The following ZNF532 variants were observed in gnomAD, a reference collection of about 807,000 sequenced individuals.
The protein encoded by ZNF532 is zinc finger protein 532.
Under a neutral mutation model 89.3 loss-of-function variants are expected in ZNF532, and 22 were observed. The ratio of observed to expected loss-of-function variants is 0.25; its 90% CI spans 0.18 to 0.35. The LOEUF is 0.35. Among genes scored for constraint, ZNF532 ranks in the 10% least tolerant of loss-of-function variants. The pLI, the probability that ZNF532 is intolerant of heterozygous loss-of-function variation, is 1.00. For synonymous variants in ZNF532, 606 were observed against 649.6 expected (o/e 0.93, Z 1.02); for missense variants, 1,132 against 1,643.4 (o/e 0.69, Z 5.38).
chr18:58,921,075 C>T (rs1164284056), intron 3 of ZNF532, among the ~76,000 whole-genome samples: 1 of 150,238 alleles, frequency 6.7e-6, no homozygotes, highest in East Asian at 2.0e-4. Context: ...AGCATTGGGG[C>T]GAGATCATAT....
At chr18:58,953,060 C>T (rs1031334809) in intron 6 of ZNF532, 3 of 153,860 alleles carry the variant, frequency 1.9e-5, no homozygotes, top group African/African-American at 7.2e-5. Context: ...TTGCTATTTA[C>T]TAACGTATTG....
chr18:58,923,301 T>C (rs145015371), intron 3 of ZNF532, among the ~76,000 whole-genome samples: 1 of 151,182 alleles, frequency 6.6e-6, no homozygotes, highest in Non-Finnish European at 1.5e-5. Context: ...TCTCCTCCTG[T>C]TCCTCGTCTC....
chr18:58,884,926 G>A (rs1005623641), intron 2 of ZNF532, among the ~76,000 whole-genome samples: 7 of 150,314 alleles, frequency 4.7e-5, no homozygotes, highest in East Asian at 2.0e-4. Flanking sequence ...AGCCTAGACC[G>A]TTTCAGTATT....
intron 7 of ZNF532, among the ~76,000 whole-genome samples, chr18:58,966,738 G>GTTTTTTTTTTT (rs540133909): frequency 7.1e-5 from 9 of 125,986 alleles, no homozygotes; most frequent in Non-Finnish European, 8.7e-5. Context: ...ATTTTTTTGT[G>GTTTTTTTTTTT]TTTTTTTTTT....
chr18:58,981,452 T>G lies in ZNF532; in HGVS notation c.3264-18T>G. 1 of 1,608,212 alleles carries G rather than the reference T, an allele frequency of 6.2e-7. No homozygotes were observed. Among genetic ancestry groups the G allele is most frequent in the Non-Finnish European group, 8.5e-7 (1 of 1,178,686 alleles). On this transcript the variant is annotated intron_variant, in intron 8 of 9. Transcript: ENST00000591808. ...TTTTGTCAGCAAGTGCGTTATCTCCTTGCCTTTCACCCCACAGGCACTGCC... is the reference window on the plus strand; with the variant it reads ...TTTTGTCAGCAAGTGCGTTATCTCCGTGCCTTTCACCCCACAGGCACTGCC...
At chr18:58,948,692 C>T (rs1040244673) in intron 6 of ZNF532, among the ~76,000 whole-genome samples, 7 of 151,556 alleles carry the variant, frequency 4.6e-5, no homozygotes, top group Admixed American at 6.6e-5. Flanking sequence ...CTCAGCCTCC[C>T]GAGTAGCTGG....
intron 2 of ZNF532, among the ~76,000 whole-genome samples, chr18:58,907,702 G>A (rs765269413): frequency 1.4e-4 from 21 of 152,110 alleles, no homozygotes; most frequent in Non-Finnish European, 2.1e-4. Context: ...CATGTCTTCC[G>A]TCTGCCTCCC....
intron 3 of ZNF532, among the ~76,000 whole-genome samples, chr18:58,930,627 CAAA>C (rs59983153): frequency 3.7e-5 from 3 of 81,180 alleles, no homozygotes. Flanking sequence ...GACTCCATCT[CAAA>C]AAAAAAAAAA....
chr18:58,869,762 GTTTTTTTTT>G (rs59118998), intron 2 of ZNF532, among the ~76,000 whole-genome samples: 2 of 111,518 alleles, frequency 1.8e-5, no homozygotes, highest in African/African-American at 3.5e-5. Context: ...TGGAAGATCT[GTTTTTTTTT>G]TTTTTTTTTT....
intron 8 of ZNF532, chr18:58,980,115 T>C (rs2067564979): frequency 6.6e-6 from 1 of 152,198 alleles, no homozygotes; most frequent in Non-Finnish European, 1.5e-5. Context: ...AGATGGACCC[T>C]ATGGATCAGG....
chr18:58,933,145 T>C (rs890361706), intron 3 of ZNF532, among the ~76,000 whole-genome samples: 1 of 152,182 alleles, frequency 6.6e-6, no homozygotes, highest in Non-Finnish European at 1.5e-5. Flanking sequence ...CTGTGGCTTG[T>C]TCTAACCTTT....
chr18:58,944,600 C>T (rs2146816028), intron 5 of ZNF532, among the ~76,000 whole-genome samples: 1 of 152,228 alleles, frequency 6.6e-6, no homozygotes, highest in East Asian at 1.9e-4. Flanking sequence ...GCAGAGTGGT[C>T]TCTCCATCTT....
At chr18:58,933,068 G>C (rs753541110) in intron 3 of ZNF532, among the ~76,000 whole-genome samples, 2 of 152,100 alleles carry the variant, frequency 1.3e-5, no homozygotes, top group Non-Finnish European at 2.9e-5. Context: ...GAAACAAATG[G>C]TTACCTGTGG....
At chr18:58,969,903 G>A (rs1487206406) in intron 7 of ZNF532, among the ~76,000 whole-genome samples, 2 of 97,442 alleles carry the variant, frequency 2.1e-5, no homozygotes, top group South Asian at 3.6e-4. Context: ...TTTTTGCCCC[G>A]AGATGGAGTC....
chr18:58,941,101 A>C (rs1233784875), intron 5 of ZNF532, among the ~76,000 whole-genome samples: 1 of 151,794 alleles, frequency 6.6e-6, no homozygotes, highest in Admixed American at 6.6e-5. Flanking sequence ...TTTTAGTAGG[A>C]CCTTCATTCT....
At chr18:58,895,841 C>T (rs763397408) in intron 2 of ZNF532, among the ~76,000 whole-genome samples, 3 of 147,884 alleles carry the variant, frequency 2.0e-5, no homozygotes, top group Non-Finnish European at 4.4e-5. Flanking sequence ...CAAATCTTCA[C>T]TTTCTTTCTT....
Position 58,918,657 on chromosome 18 carries a change from T to G in ZNF532, c.370T>G (p.Ser124Ala). ...VPASEVTLKDSTFSQFSPISS... is the reference protein window; with the variant it reads ...VPASEVTLKDATFSQFSPISS... ...TGCCTCTGAGGTGACACTGAAAGAC[T>G]CGACATTCAGCCAGTTTAGCCCGAT... Residue 124 changes from serine to alanine, a missense_variant, in exon 3 of 10, where the codon TCG (serine) becomes GCG (alanine). By Grantham distance (99) the Ser-to-Ala change is moderately conservative. Coordinates refer to ENST00000591808, the MANE Select transcript of ZNF532 (RefSeq NM_001375912.1). 2.5e-6 allele frequency: 4 copies of G among 1,614,170 alleles called. No homozygotes were observed. In the South Asian group the frequency reaches 4.4e-5, roughly 18 times the overall value.
chr18:58,983,855 A>G, intron 9 of ZNF532, 117 bp from the exon 10 acceptor site: 2 of 1,337,672 alleles, frequency 1.5e-6, no homozygotes, highest in Non-Finnish European at 2.0e-6. Context: ...AAGCCCCTAA[A>G]TCCCAAAGCG....
intron 2 of ZNF532, among the ~76,000 whole-genome samples, chr18:58,874,353 A>AT (rs940786541): frequency 6.6e-6 from 1 of 150,574 alleles, no homozygotes; most frequent in Non-Finnish European, 1.5e-5. Flanking sequence ...TTATTCTATT[A>AT]TTTTTTTTGA....
Sources: allele counts gnomAD v4.1 joint callset (sites outside exome capture counted in the v4.1 genomes callset), GRCh38; gene constraint gnomAD v4.1.1; transcripts MANE v1.5; gene names NCBI Gene and HGNC (gene_info 2026-07-23, HGNC 2026-07-21).